NSMCE2: variants seen among roughly 807,000 people sequenced by gnomAD.
NSMCE2 encodes the protein E3 SUMO-protein ligase NSE2.
In NSMCE2, 24 loss-of-function variants were observed where a neutral mutation model predicts 23.8. That is an observed-to-expected ratio of 1.01 (90% CI 0.73 to 1.42). The LOEUF (loss-of-function observed/expected upper bound fraction) is 1.42. Among genes scored for constraint, NSMCE2 ranks in the 40% most tolerant of loss-of-function variants. The pLI, the probability that NSMCE2 is intolerant of heterozygous loss-of-function variation, is 0.00. For missense variants in NSMCE2, 284 were observed against 296.5 expected (o/e 0.96, Z 0.31); for synonymous variants, 92 against 94.1 (o/e 0.98, Z 0.13).
intron 5 of NSMCE2, among the ~76,000 whole-genome samples, chr8:125,275,029 AATAAT>A (rs869183658): frequency 2.2e-5 from 3 of 135,176 alleles, no homozygotes; most frequent in Non-Finnish European, 4.8e-5. Context: ...TAATAATAAT[AATAAT>A]AAATAGAATA....
In NSMCE2 at chr8:125,288,712, C is replaced by T. The variant is rs189204084; in HGVS notation, c.419-68507C>T. Among the ~76,000 whole-genome samples the T allele has an allele frequency of 2.4e-3, 373 of 152,274 alleles. 1 individual carries two copies. Among genetic ancestry groups the T allele is most frequent in the African/African-American group, 7.7e-3 (320 of 41,554 alleles). ...CTATGCATGTGTCTTTCTTAACACT[C>T]GAGATACTGTGTACCTGTGTTCCCC... On this transcript the variant is annotated intron_variant, in intron 5 of 7. Coordinates refer to ENST00000287437, the MANE Select transcript of NSMCE2 (RefSeq NM_173685.4).
intron 4 of NSMCE2, among the ~76,000 whole-genome samples, chr8:125,168,130 TG>T (rs761504734): frequency 1.3e-5 from 2 of 152,246 alleles, no homozygotes; most frequent in Non-Finnish European, 2.9e-5. Flanking sequence ...TATTTTTTTT[TG>T]TGGACTACTT....
At chr8:125,316,608 CCTTT>C (rs1563779824) in intron 5 of NSMCE2, among the ~76,000 whole-genome samples, 4 of 149,720 alleles carry the variant, frequency 2.7e-5, no homozygotes, top group East Asian at 2.0e-4. Flanking sequence ...TTCCTTCTTT[CCTTT>C]CTTTATTTCC....
intron 5 of NSMCE2, among the ~76,000 whole-genome samples, chr8:125,307,678 T>G (rs1486092193): frequency 6.6e-6 from 1 of 152,206 alleles, no homozygotes; most frequent in African/African-American, 2.4e-5. Flanking sequence ...TGGAAGAAAT[T>G]CATCAACTTC....
chr8:125,193,261 GTAGTGAA>G (rs1031301314), intron 5 of NSMCE2, among the ~76,000 whole-genome samples: 2 of 152,116 alleles, frequency 1.3e-5, no homozygotes, highest in African/African-American at 4.8e-5. Flanking sequence ...AGACATTAAG[GTAGTGAA>G]TGGACAAGCT....
intron 3 of NSMCE2, among the ~76,000 whole-genome samples, chr8:125,139,626 A>T (rs1182891389): frequency 6.6e-6 from 1 of 152,198 alleles, no homozygotes; most frequent in African/African-American, 2.4e-5. Flanking sequence ...CATGAGATTT[A>T]TTCACTATCA....
At chr8:125,288,762 A>G (rs1288198128) in intron 5 of NSMCE2, among the ~76,000 whole-genome samples, 1 of 151,984 alleles carries the variant, frequency 6.6e-6, no homozygotes, top group Non-Finnish European at 1.5e-5. Context: ...TTTTTTTAGG[A>G]CAAGTCTTTT....
intron 5 of NSMCE2, among the ~76,000 whole-genome samples, chr8:125,313,275 A>G (rs531802906): frequency 1.5e-4 from 23 of 152,212 alleles, no homozygotes; most frequent in South Asian, 1.5e-3. Context: ...AAAAGAAAGG[A>G]TGAGAAGGCA....
intron 7 of NSMCE2, among the ~76,000 whole-genome samples, chr8:125,365,525 A>G (rs766121188): frequency 3.9e-5 from 6 of 152,100 alleles, no homozygotes; most frequent in Non-Finnish European, 5.9e-5. Context: ...CTCCTCACCC[A>G]TCTCAAAACC....
intron 5 of NSMCE2, among the ~76,000 whole-genome samples, chr8:125,185,305 T>A (rs991477035): frequency 2.3e-5 from 3 of 131,548 alleles, no homozygotes; most frequent in African/African-American, 8.7e-5. Flanking sequence ...ACATTTTAAA[T>A]TTTTTTTTTT....
At chr8:125,229,400 T>C (rs934633948) in intron 5 of NSMCE2, among the ~76,000 whole-genome samples, 7 of 152,228 alleles carry the variant, frequency 4.6e-5, no homozygotes, top group African/African-American at 1.7e-4. Flanking sequence ...AAATTTTTAA[T>C]ATTTTAACCT....
At chr8:125,100,769 C>T (rs905598360) in intron 1 of NSMCE2, among the ~76,000 whole-genome samples, 1 of 152,092 alleles carries the variant, frequency 6.6e-6, no homozygotes, top group African/African-American at 2.4e-5. Context: ...CCATGTTGGC[C>T]ATGCTGGTCT....
chr8:125,292,980 A>G (rs1398139192), intron 5 of NSMCE2, among the ~76,000 whole-genome samples: 2 of 152,224 alleles, frequency 1.3e-5, no homozygotes, highest in Non-Finnish European at 2.9e-5. Flanking sequence ...AATTTAGGAA[A>G]GAGTCTAATT....
Position 125,261,229 on chromosome 8 carries a change from C to T in NSMCE2, c.418+78973C>T, listed in dbSNP as rs1220231932. ...ACTATTATGCTGGATACTATGGGAG[C>T]AAGTTTATGCAAGCTAATCCCCTGC... On this transcript the variant is annotated intron_variant, in intron 5 of 7. Transcript: ENST00000287437. Among the ~76,000 whole-genome samples the T allele has an allele frequency of 3.3e-5, 5 of 152,264 alleles. No homozygotes were observed. In the East Asian group the frequency reaches 9.6e-4, roughly 29 times the overall value.
chr8:125,266,976 GA>G (rs992310401), intron 5 of NSMCE2, among the ~76,000 whole-genome samples: 3 of 149,372 alleles, frequency 2.0e-5, no homozygotes, highest in African/African-American at 7.3e-5. Flanking sequence ...CACAGAAGCA[GA>G]AAAGCATAAC....
chr8:125,167,744 T>C (rs942852576), intron 4 of NSMCE2, among the ~76,000 whole-genome samples: 6 of 147,018 alleles, frequency 4.1e-5, no homozygotes, highest in African/African-American at 9.9e-5. Flanking sequence ...AGTGGAATTC[T>C]TTTTTTTTTT....
At chr8:125,181,390 G>GAGAT (rs956504110) in intron 4 of NSMCE2, among the ~76,000 whole-genome samples, 2 of 152,118 alleles carry the variant, frequency 1.3e-5, no homozygotes, top group Admixed American at 1.3e-4. Context: ...AATGGATAGC[G>GAGAT]AGATAGATAG....
At chr8:125,092,399 A>G (rs918745567) in intron 1 of NSMCE2, among the ~76,000 whole-genome samples, 1 of 152,168 alleles carries the variant, frequency 6.6e-6, no homozygotes, top group Non-Finnish European at 1.5e-5. Context: ...CCAAATCTTT[A>G]TTGGTCCCCT....
intron 3 of NSMCE2, among the ~76,000 whole-genome samples, chr8:125,126,391 G>C (rs1819520382): frequency 1.3e-5 from 2 of 151,828 alleles, no homozygotes; most frequent in African/African-American, 4.8e-5. Context: ...AAACGAGGGG[G>C]ACAGTTATTG....
Sources: gnomAD v4.1 joint callset for allele counts (sites outside exome capture counted in the v4.1 genomes callset) on GRCh38, gnomAD v4.1.1 for gene constraint, MANE v1.5 for transcripts, NCBI Gene and HGNC (gene_info 2026-07-23, HGNC 2026-07-21) for gene names.